Variants in GUSB observed in about 807,000 individuals in gnomAD.
GUSB encodes the protein beta-glucuronidase.
A neutral mutation model predicts 74.6 loss-of-function variants in GUSB; 51 were observed. That is an observed-to-expected ratio of 0.68 (90% CI 0.55 to 0.86). The LOEUF (loss-of-function observed/expected upper bound fraction) is 0.86, where lower values mean the gene tolerates loss of function less well. Among genes scored for constraint, GUSB ranks in the 40% least tolerant of loss-of-function variants. The probability of loss-of-function intolerance (pLI) is 0.00; values close to 1 mark genes in which losing one functional copy is unlikely to be tolerated. For synonymous variants in GUSB, 360 were observed against 348.3 expected, an observed-to-expected ratio of 1.03 and a Z score of -0.37; for missense variants, 736 against 853.7, an observed-to-expected ratio of 0.86 and a Z score of 1.72.
Position 65,961,062 on chromosome 7 carries a change from T to C in GUSB, c.1791A>G (p.Ser597=), listed in dbSNP as rs767115386. The C allele has an allele frequency of 6.2e-6, 10 of 1,609,860 alleles. No individual in the cohort carries two copies. The Admixed American group carries it at 1.7e-4, about 27-fold the overall frequency. The stretch of plus-strand genomic sequence containing the variant: ...TTTTATTCCCCAGCACTCTCGTCGG[T>C]GCTACAAAAAAAAAAAAAAGACACA... ...WNFADFMTEQ[S]PTRVLGNKKG... is the part of the protein sequence containing the mutation. Residue 597 remains serine (S), a splice_region_variant and synonymous_variant, in exon 12 of 12, where the codon TCA becomes TCG. Transcript: ENST00000304895.
chr7:65,975,038 C>G lies in GUSB; in HGVS notation c.946G>C (p.Val316Leu), dbSNP rs754650149. The change falls in exon 6 of 12, where the codon GTG (valine) becomes CTG (leucine). Residue 316 changes from valine (V) to leucine (L), a missense_variant. Transcript: ENST00000304895. Reference sequence around the variant, plus strand: ...ACAGGGAGTGTGTAGAAGTCAGACACAGGCCCCAGTGACGTCTGTGCAGTC... The same window carrying G: ...ACAGGGAGTGTGTAGAAGTCAGACAGAGGCCCCAGTGACGTCTGTGCAGTC... ...QLTAQTSLGP[V>L]SDFYTLPVGI... 9 of 1,613,632 alleles carry G rather than the reference C, an allele frequency of 5.6e-6. No homozygotes were observed.
In GUSB at chr7:65,974,958, AG is replaced by A. The variant is rs772885108; in HGVS notation, c.1025del (p.Pro342LeufsTer26). 6.2e-7 allele frequency: 1 copy of A among 1,613,872 alleles called. No individual in the cohort carries two copies. Among genetic ancestry groups the A allele is most frequent in the Non-Finnish European group, 8.5e-7 (1 of 1,179,820 alleles). ...GCTTGTTGACACCGTGGAAATAGAA[AG>A]GTTTCCCATTGATGAGGAACTGGCT... ...TKSQFLINGK[P>X]FYFHGVNKHE... On this transcript the variant is annotated frameshift_variant, in exon 6 of 12. Transcript: ENST00000304895. LOFTEE classifies it high-confidence loss of function.
intron 11 of GUSB, 60 bp downstream of exon 11, chr7:65,964,262 GA>G: frequency 1.4e-6 from 2 of 1,449,942 alleles, no homozygotes. Context: ...GCCAGAATTG[GA>G]AAGGCAACCT....
chr7:65,965,418 A>G (rs1459009116), intron 10 of GUSB, among the ~76,000 whole-genome samples: 5 of 152,206 alleles, frequency 3.3e-5, no homozygotes, highest in Admixed American at 2.0e-4. Context: ...ATTTAATTAA[A>G]CTAAATCAAT....
chr7:65,964,460 T>G lies in GUSB; in HGVS notation c.1654-2A>C. ...TTCAGTGAACATCAGAGGTGGATCC[T>G]AGGATTCAAGGCAAAGAGAATGTAA... On this transcript the variant is annotated splice_acceptor_variant, in intron 10 of 11. Transcript: ENST00000304895. LOFTEE classifies it high-confidence loss of function. 1.2e-6 allele frequency: 2 copies of G among 1,610,646 alleles called. No individual in the cohort carries two copies. The highest frequency in any genetic ancestry group is 1.7e-6 in the Non-Finnish European group (2 of 1,178,734).
intron 8 of GUSB, among the ~76,000 whole-genome samples, chr7:65,972,324 G>A (rs1267901915): frequency 2.0e-5 from 3 of 151,934 alleles, no homozygotes; most frequent in African/African-American, 7.3e-5. Context: ...TCTGTGTTCC[G>A]CTAATTGTTT....
chr7:65,968,283 G>A (rs1488006955), intron 9 of GUSB, among the ~76,000 whole-genome samples: 1 of 149,850 alleles, frequency 6.7e-6, no homozygotes, highest in Admixed American at 6.6e-5. Context: ...TCCTGGGGCT[G>A]AGAACGTCCA....
intron 11 of GUSB, among the ~76,000 whole-genome samples, chr7:65,963,096 G>T (rs564311387): frequency 7.9e-5 from 12 of 152,200 alleles, no homozygotes; most frequent in Admixed American, 6.5e-5. Context: ...GACCTCAGGT[G>T]ATCTGTCCAC....
At chr7:65,967,658 G>C (rs192156180) in intron 10 of GUSB, 73 bp downstream of exon 10, 6 of 1,269,894 alleles carry the variant, frequency 4.7e-6, no homozygotes, top group Non-Finnish European at 6.9e-6. Context: ...AGTGGGCGCA[G>C]GTCAGGCTGG....
intron 8 of GUSB, among the ~76,000 whole-genome samples, chr7:65,973,841 G>A (rs1374592380): frequency 6.6e-6 from 1 of 152,098 alleles, no homozygotes; most frequent in Non-Finnish European, 1.5e-5. Context: ...TGAGACAGGA[G>A]GATCACCTGA....
Position 65,974,280 on chromosome 7 carries a change from G to A in GUSB, c.1391+15C>T. The A allele has an allele frequency of 6.2e-7, 1 of 1,613,690 alleles. No individual in the cohort carries two copies. The highest frequency in any genetic ancestry group is 8.5e-7 in the Non-Finnish European group (1 of 1,179,702). On this transcript the variant is annotated intron_variant, in intron 8 of 11. Coordinates refer to ENST00000304895, the MANE Select transcript of GUSB (RefSeq NM_000181.4). ...TCCTTCCCACTCTAGCCGAGGGCAG[G>A]GAGGGAGCACTCACTTCAAGTAGTA...
At chr7:65,961,115 C>G (rs780346430) in intron 11 of GUSB, 52 bp from the exon 12 acceptor site, 12 of 1,530,560 alleles carry the variant, frequency 7.8e-6, no homozygotes, top group Middle Eastern at 1.7e-4. Flanking sequence ...TCTGATGGGT[C>G]AAGTTAGAAC....
chr7:65,981,987 C>A lies in GUSB; in HGVS notation c.197G>T (p.Arg66Leu), dbSNP rs768362767. ...RRGFEEQWYR[R>L]PLWESGPTVD... ...CCGAGATCGCACCTCCCACAGCGGC[C>A]GCCGGTACCACTGCTCCTCGAAGCC... Residue 66 changes from arginine (R) to leucine (L), a missense_variant, in exon 1 of 12, where the codon CGG becomes CTG. Transcript: ENST00000304895. 6.2e-7 allele frequency: 1 copy of A among 1,607,796 alleles called. No homozygotes were observed. The highest frequency in any genetic ancestry group is 1.1e-5 in the South Asian group (1 of 90,742).
chr7:65,961,861 G>C (rs1397418768), intron 11 of GUSB, among the ~76,000 whole-genome samples: 3 of 152,112 alleles, frequency 2.0e-5, no homozygotes, highest in Admixed American at 2.0e-4. Context: ...AATTATACAG[G>C]CATGGTGGTG....
In GUSB at chr7:65,974,532, G is replaced by A. The variant is rs752523400; in HGVS notation, c.1238C>T (p.Ala413Val). ...GTGCACAGCAGAGACTCACGGCAGC[G>A]CCAGGCCCACGCCGGGACACTCATC... ...VIDECPGVGL[A>V]LPQFFNNVSL... is the part of the protein sequence containing the mutation. Residue 413 changes from alanine to valine, a missense_variant, in exon 7 of 12, where the codon GCG becomes GTG. This residue lies in a region of GUSB where 368 missense variants were observed against 489.9 expected (regional missense o/e 0.75). Transcript: ENST00000304895. 6.4e-5 allele frequency: 104 copies of A among 1,614,002 alleles called. No homozygotes were observed. The highest frequency in any genetic ancestry group is 8.1e-5 in the Non-Finnish European group (95 of 1,180,052).
chr7:65,963,880 G>A (rs191815431), intron 11 of GUSB, among the ~76,000 whole-genome samples: 35 of 152,222 alleles, frequency 2.3e-4, no homozygotes, highest in African/African-American at 7.5e-4. Flanking sequence ...TTCAAGATGC[G>A]TTGAAACTCA....
At chr7:65,976,490 G>A (rs1470543628) in intron 4 of GUSB, among the ~76,000 whole-genome samples, 3 of 151,844 alleles carry the variant, frequency 2.0e-5, no homozygotes, top group South Asian at 2.1e-4. Flanking sequence ...CATGCTTGGC[G>A]AATTTTTATA....
At chr7:65,970,447 T>C in intron 8 of GUSB, 81 bp from the exon 9 acceptor site, 2 of 885,036 alleles carry the variant, frequency 2.3e-6, no homozygotes, top group South Asian at 2.7e-5. Flanking sequence ...TGTCCCATCT[T>C]CCACCGCCAG....
chr7:65,980,568 A>T (rs769913934), intron 1 of GUSB, 159 bp from the exon 2 acceptor site: 27 of 703,648 alleles, frequency 3.8e-5, no homozygotes, highest in Non-Finnish European at 5.8e-5. Flanking sequence ...GTCAACTGCC[A>T]GGGCGATCTG....
Sources: allele counts gnomAD v4.1 joint callset (sites outside exome capture counted in the v4.1 genomes callset), GRCh38; gene constraint gnomAD v4.1.1; regional missense constraint gnomAD v4.1.1; transcripts MANE v1.5; gene names NCBI Gene and HGNC (gene_info 2026-07-23, HGNC 2026-07-21).